The following FER1L6 variants were observed in gnomAD, a reference collection of about 807,000 sequenced individuals.
FER1L6 encodes the protein fer-1-like protein 6.
In FER1L6, 177 loss-of-function variants were observed where a neutral mutation model predicts 219.2. The ratio of observed to expected loss-of-function variants is 0.81; its 90% CI spans 0.71 to 0.91. The LOEUF is 0.91. FER1L6 is among the 40% of genes least tolerant of loss of function. The pLI, the probability that FER1L6 is intolerant of heterozygous loss-of-function variation, is 0.00. For synonymous variants in FER1L6, 768 were observed against 824.3 expected, an observed-to-expected ratio of 0.93 and a Z score of 1.17; for missense variants, 2,153 against 2,259.9, an observed-to-expected ratio of 0.95 and a Z score of 0.96.
At chr8:124,029,332 C>A (rs1818856852) in intron 18 of FER1L6, among the ~76,000 whole-genome samples, 1 of 152,186 alleles carries the variant, frequency 6.6e-6, no homozygotes, top group South Asian at 2.1e-4. Flanking sequence ...ATTTCTGGTT[C>A]TAGATCCTTG....
At chr8:123,859,379 A>G (rs1014689223) in intron 1 of FER1L6, among the ~76,000 whole-genome samples, 2 of 151,998 alleles carry the variant, frequency 1.3e-5, no homozygotes, top group Non-Finnish European at 2.9e-5. Flanking sequence ...CCATCACCTC[A>G]CCAATTTATC....
chr8:123,963,832 A>G (rs879338289), intron 3 of FER1L6, among the ~76,000 whole-genome samples: 2 of 152,250 alleles, frequency 1.3e-5, no homozygotes, highest in Non-Finnish European at 2.9e-5. Context: ...TAGATCAGTT[A>G]GCAATGATGT....
intron 39 of FER1L6, among the ~76,000 whole-genome samples, chr8:124,106,825 C>G (rs1822796428): frequency 6.6e-6 from 1 of 152,006 alleles, no homozygotes; most frequent in Non-Finnish European, 1.5e-5. Flanking sequence ...TTTCTGTTCC[C>G]TTTCCTAATT....
rs568315023 is a variant in FER1L6, at chr8:124,081,645, A to G, written c.4221-643A>G. ...AAAAAAGGGCAGGTCCCTATTCTCAAGGGGCTCATAGTCTTGTAGAGACAA... is the reference window on the plus strand; with the variant it reads ...AAAAAAGGGCAGGTCCCTATTCTCAGGGGGCTCATAGTCTTGTAGAGACAA... On this transcript the variant is annotated intron_variant, in intron 32 of 40. Coordinates refer to ENST00000522917, the MANE Select transcript of FER1L6 (RefSeq NM_001039112.2). 2.7e-5 allele frequency among the ~76,000 whole-genome samples: 4 copies of G among 150,428 alleles called. No individual in the cohort carries two copies. In the East Asian group the frequency reaches 7.8e-4, roughly 29 times the overall value.
chr8:123,969,450 C>T (rs1001849579), intron 5 of FER1L6, among the ~76,000 whole-genome samples: 7 of 152,112 alleles, frequency 4.6e-5, no homozygotes, highest in South Asian at 4.1e-4. Flanking sequence ...ATGACACTAT[C>T]GAGGGTTGAT....
At chr8:124,061,714 G>C (rs1461503476) in intron 24 of FER1L6, 138 bp from the exon 25 acceptor site, 1 of 737,908 alleles carries the variant, frequency 1.4e-6, no homozygotes, top group African/African-American at 1.8e-5. Context: ...CTGCTCCAGA[G>C]TTTTGGCAAT....
chr8:123,979,714 A>G (rs977346787), intron 10 of FER1L6, among the ~76,000 whole-genome samples: 1 of 152,182 alleles, frequency 6.6e-6, no homozygotes, highest in Non-Finnish European at 1.5e-5. Context: ...CTAGTTCAAG[A>G]CGCTGGTCTT....
intron 1 of FER1L6, among the ~76,000 whole-genome samples, chr8:123,905,436 T>C (rs1812933924): frequency 6.6e-6 from 1 of 152,156 alleles, no homozygotes; most frequent in South Asian, 2.1e-4. Flanking sequence ...CTGCATAGTA[T>C]CCCATGGTGT....
At chr8:123,970,675 G>T (rs1185262866) in intron 6 of FER1L6, among the ~76,000 whole-genome samples, 1 of 151,164 alleles carries the variant, frequency 6.6e-6, no homozygotes, top group Non-Finnish European at 1.5e-5. Context: ...TTGGGAAATT[G>T]AGTCTGCTGC....
rs1465069351 is a variant in FER1L6, at chr8:123,865,524, A to C, written c.-8+13339A>C. 7.5e-4 allele frequency among the ~76,000 whole-genome samples: 114 copies of C among 151,550 alleles called. 1 individual carries two copies. In the Middle Eastern group the frequency reaches 0.01, roughly 14 times the overall value. ...TGGGCTCCACCCAGTTTGAGCTTCC[A>C]GGCTGCTTTGTTTACCTAAGCAAGC... On this transcript the variant is annotated intron_variant, in intron 1 of 40. Transcript: ENST00000522917.
chr8:123,876,030 A>G (rs1816999445), intron 1 of FER1L6, among the ~76,000 whole-genome samples: 1 of 152,178 alleles, frequency 6.6e-6, no homozygotes, highest in East Asian at 1.9e-4. Context: ...TCTGCTTCTA[A>G]AAGCCCCTCA....
chr8:124,086,194 C>T (rs930049313), intron 33 of FER1L6, among the ~76,000 whole-genome samples: 4 of 151,664 alleles, frequency 2.6e-5, no homozygotes, highest in East Asian at 3.9e-4. Flanking sequence ...GAGGTTAGTC[C>T]GTTTATATTC....
chr8:123,935,874 C>T (rs931537277), intron 1 of FER1L6, among the ~76,000 whole-genome samples: 6 of 150,634 alleles, frequency 4.0e-5, no homozygotes, highest in Non-Finnish European at 5.9e-5. Flanking sequence ...GAGATGGGAA[C>T]GCACAGTAAG....
intron 31 of FER1L6, among the ~76,000 whole-genome samples, chr8:124,073,481 T>C (rs1413180572): frequency 2.6e-5 from 4 of 152,172 alleles, no homozygotes; most frequent in African/African-American, 4.8e-5. Flanking sequence ...TTAAATGAAT[T>C]CTCAAACCTT....
intron 14 of FER1L6, among the ~76,000 whole-genome samples, chr8:124,012,188 G>T (rs185860434): frequency 3.2e-4 from 49 of 152,244 alleles, no homozygotes; most frequent in Non-Finnish European, 2.2e-4. Context: ...AAATTTCTCT[G>T]TCCCATTTGC....
intron 1 of FER1L6, among the ~76,000 whole-genome samples, chr8:123,937,020 C>T (rs1814033847): frequency 1.3e-5 from 2 of 152,218 alleles, no homozygotes; most frequent in African/African-American, 4.8e-5. Context: ...ATTCTCCTGC[C>T]TCAGCCTCCT....
chr8:123,979,356 A>T (rs1326671023), intron 10 of FER1L6, among the ~76,000 whole-genome samples: 1 of 152,224 alleles, frequency 6.6e-6, no homozygotes, highest in African/African-American at 2.4e-5. Context: ...GGCTCAGTGG[A>T]TTAGCTGGGG....
intron 18 of FER1L6, among the ~76,000 whole-genome samples, chr8:124,025,287 T>C (rs1818656157): frequency 6.6e-6 from 1 of 152,122 alleles, no homozygotes. Context: ...CTAGGTTTTC[T>C]TCCAGAGTTT....
At chr8:123,968,401 A>G (rs964530091) in intron 5 of FER1L6, among the ~76,000 whole-genome samples, 10 of 152,200 alleles carry the variant, frequency 6.6e-5, no homozygotes, top group African/African-American at 2.4e-4. Flanking sequence ...CAGATGCTGA[A>G]GGAACCCATT....
Sources: allele counts gnomAD v4.1 joint callset (sites outside exome capture counted in the v4.1 genomes callset), GRCh38; gene constraint gnomAD v4.1.1; transcripts MANE v1.5; gene names NCBI Gene and HGNC (gene_info 2026-07-23, HGNC 2026-07-21).